Variants in RPL15 observed in about 807,000 individuals in gnomAD.
The protein encoded by RPL15 is ribosomal protein L15.
For missense variants in RPL15, 161 were observed against 271.8 expected, an observed-to-expected ratio of 0.59 and a Z score of 2.87; for synonymous variants, 97 against 95.1, an observed-to-expected ratio of 1.02 and a Z score of -0.12.
rs913822613 is a variant in RPL15, at chr3:23,920,301, A to C, written c.*800A>C. ...AGTTGGCTATAAGTACGTCATTCTT[A>C]GTCCAGTCAGTCTTAAAAACATCTT... On this transcript the variant is annotated 3_prime_UTR_variant, in exon 4 of 4. Coordinates refer to ENST00000307839, the MANE Select transcript of RPL15 (RefSeq NM_002948.5). The C allele has an allele frequency of 1.0e-6, 1 of 985,684 alleles. No homozygotes were observed. Among genetic ancestry groups the C allele is most frequent in the Non-Finnish European group, 1.2e-6 (1 of 829,910 alleles). The allele number at this position is 985,684 out of a possible 1,614,324, so 61.1% of individuals were successfully genotyped here. A position where few individuals can be genotyped will look rare whatever the true frequency, so the allele number is the denominator to read the frequency against.
downstream of RPL15, among the ~76,000 whole-genome samples, chr3:23,921,211 G>A (rs540031381): frequency 2.6e-5 from 4 of 152,304 alleles, no homozygotes; most frequent in East Asian, 7.7e-4. Context: ...GTCTCTACAA[G>A]AAAACCTTGT....
Position 23,917,846 on chromosome 3 carries a change from A to T in RPL15, c.-10-4A>T, listed in dbSNP as rs199591542. On this transcript the variant is annotated splice_region_variant and splice_polypyrimidine_tract_variant and intron_variant, in intron 1 of 3. Transcript: ENST00000307839. ...GATATTTAATACACAGTTTGATTTC[A>T]CAGGTAAGCCAAGATGGGTGCATAC... is the stretch of plus-strand genomic sequence containing the variant. 30 of 1,606,974 alleles carry T rather than the reference A, an allele frequency of 1.9e-5. No individual in the cohort carries two copies. The highest frequency in any genetic ancestry group is 5.9e-6 in the Non-Finnish European group (7 of 1,177,424).
At chr3:23,919,071 TAAA>T in intron 3 of RPL15, 122 bp from the exon 4 acceptor site, 2 of 667,922 alleles carry the variant, frequency 3.0e-6, no homozygotes, top group South Asian at 3.7e-5. Context: ...AAATGCTTAG[TAAA>T]TAACTTGAGT....
At chr3:23,918,973 G>T (rs111878423) in intron 3 of RPL15, 1 of 586,918 alleles carries the variant, frequency 1.7e-6, no homozygotes, top group East Asian at 2.8e-5. Flanking sequence ...CAGGAATGGA[G>T]TATTAAGAGG....
rs968941448 is a variant in RPL15 at position 23,919,714 on chromosome 3, T to A, written c.*213T>A. 7.3e-7 allele frequency: 1 copy of A among 1,369,460 alleles called. No individual in the cohort carries two copies. The highest frequency in any genetic ancestry group is 9.4e-7 in the Non-Finnish European group (1 of 1,065,712). The allele number at this position is 1,369,460 out of a possible 1,614,324, so 84.8% of individuals were successfully genotyped here. The stretch of plus-strand genomic sequence containing the variant: ...AAACTTTTTTGTCTTTGCTTTATCT[T>A]ATTAGGGAGTTGTATGTCAGTGTAT... On this transcript the variant is annotated 3_prime_UTR_variant, in exon 4 of 4. Coordinates refer to ENST00000307839, the MANE Select transcript of RPL15 (RefSeq NM_002948.5).
intron 1 of RPL15, 82 bp from the exon 2 acceptor site, chr3:23,917,768 G>A (rs527936972): frequency 1.4e-6 from 2 of 1,383,768 alleles, no homozygotes; most frequent in African/African-American, 2.9e-5. Context: ...CCTTGTTTTT[G>A]TTGGGGAACT....
At chr3:23,916,923 ACT>A (rs1377109095), upstream of RPL15, 5 of 152,580 alleles carry the variant, frequency 3.3e-5, no homozygotes, top group African/African-American at 1.2e-4. Context: ...CTCGCCGCCA[ACT>A]CTCTCACCTC....
chr3:23,919,302 A>T lies in RPL15; in HGVS notation c.416A>T (p.His139Leu). The T allele has an allele frequency of 6.2e-7, 1 of 1,606,716 alleles. No homozygotes were observed. Among genetic ancestry groups the T allele is most frequent in the Non-Finnish European group, 8.5e-7 (1 of 1,178,768 alleles). The change falls in exon 4 of 4, where the codon CAT becomes CTT. Residue 139 changes from histidine (H) to leucine (L), a missense_variant. His to Leu is a moderately conservative substitution (Grantham distance 99). Coordinates refer to ENST00000307839, the MANE Select transcript of RPL15 (RefSeq NM_002948.5). ...GAGGTTATCCTCATTGATCCATTCC[A>T]TAAAGCTATCAGAAGAAATCCTGAC... ...FFEVILIDPF[H>L]KAIRRNPDTQ...
At position 23,920,787 on chromosome 3, in the gene RPL15, C is replaced by T. The variant is rs552751022; in HGVS notation, c.*1286C>T. ...AAAAAAGAAAAGATCTTAAGTCATA[C>T]ATTTTAATTGTGTAGAGGTTGTTCA... On this transcript the variant is annotated 3_prime_UTR_variant, in exon 4 of 4. Transcript: ENST00000307839. The T allele has an allele frequency of 3.1e-6, 3 of 962,200 alleles. No individual in the cohort carries two copies. Among genetic ancestry groups the T allele is most frequent in the Non-Finnish European group, 2.5e-6 (2 of 808,856 alleles). 59.6% of individuals were successfully genotyped at this position (962,200 alleles called of 1,614,324 possible). A position where few individuals can be genotyped will look rare whatever the true frequency, so the allele number is the denominator to read the frequency against.
chr3:23,922,074 C>T (rs878941926), downstream of RPL15: 18 of 155,444 alleles, frequency 1.2e-4, no homozygotes, highest in African/African-American at 3.1e-4. This position sits in a 1 kb window ranked among gnomAD's most constrained non-coding sequence, Gnocchi z 4.2. Context: ...CCAACACTTT[C>T]GGTAACCAAG....
chr3:23,918,675 C>T lies in RPL15; in HGVS notation c.309+99C>T, dbSNP rs923192776. The T allele has an allele frequency of 1.2e-5, 16 of 1,377,868 alleles. No individual in the cohort carries two copies. The African/African-American group carries it at 1.6e-4, about 14-fold the overall frequency. The allele number at this position is 1,377,868 out of a possible 1,614,324, so 85.4% of individuals were successfully genotyped here. On this transcript the variant is annotated intron_variant, in intron 3 of 3. Coordinates refer to ENST00000307839, the MANE Select transcript of RPL15 (RefSeq NM_002948.5). ...CTGATTGTACTTAGGTGAGCTGTCTCGTATATAAAACAGGGTTTGTGATTT... is the reference window on the plus strand; with the variant it reads ...CTGATTGTACTTAGGTGAGCTGTCTTGTATATAAAACAGGGTTTGTGATTT...
At chr3:23,921,643 C>T (rs76953660), downstream of RPL15, 5,234 of 642,244 alleles carry the variant, frequency 8.1e-3, 185 homozygotes, top group African/African-American at 0.084. Context: ...GGGGCAATCA[C>T]GGCTCACTGC....
intron 2 of RPL15, 121 bp downstream of exon 2, chr3:23,918,152 A>C (rs1464919011): frequency 1.6e-6 from 2 of 1,265,254 alleles, no homozygotes; most frequent in East Asian, 5.0e-5. Context: ...GGCAGAAAAA[A>C]GCTAGCAACA....
chr3:23,920,239 T>C lies in RPL15; in HGVS notation c.*738T>C, dbSNP rs1704999355. 1 of 985,652 alleles carries C rather than the reference T, an allele frequency of 1.0e-6. No individual in the cohort carries two copies. Among genetic ancestry groups the C allele is most frequent in the Non-Finnish European group, 1.2e-6 (1 of 829,858 alleles). The allele number at this position is 985,652 out of a possible 1,614,324, so 61.1% of individuals were successfully genotyped here. On this transcript the variant is annotated 3_prime_UTR_variant, in exon 4 of 4. Transcript: ENST00000307839. ...TACTTAACCGTAATGCTAATTGTGA[T>C]CATTATGAATCCCTTCAGTCACATT...
At chr3:23,921,695 C>T (rs1705092947), downstream of RPL15, 4 of 659,864 alleles carry the variant, frequency 6.1e-6, no homozygotes, top group Admixed American at 2.5e-5. Context: ...CTGCCTCGGC[C>T]TCCCAAATAG....
chr3:23,924,409 C>T (rs1335236276), downstream of RPL15: 1 of 152,198 alleles, frequency 6.6e-6, no homozygotes, highest in Non-Finnish European at 1.5e-5. Flanking sequence ...TTTTTCTGCT[C>T]ATGAGATTCT....
chr3:23,918,713 G>T, intron 3 of RPL15, 137 bp downstream of exon 3: 1 of 1,039,910 alleles, frequency 9.6e-7, no homozygotes, highest in Non-Finnish European at 1.4e-6. Context: ...ACTAATCTTG[G>T]TGAAGAGTAA....
chr3:23,921,524 T>TA, downstream of RPL15: 1 of 678,600 alleles, frequency 1.5e-6, no homozygotes, highest in African/African-American at 1.8e-5. Context: ...TTTGCTTTAC[T>TA]ATTTCTATAT....
chr3:23,918,256 G>A, intron 2 of RPL15, 184 bp from the exon 3 acceptor site: 2 of 888,810 alleles, frequency 2.3e-6, no homozygotes, highest in South Asian at 3.6e-5. Context: ...AATAAACAGT[G>A]TGCCTCCCTG....
Sources: allele counts gnomAD v4.1 joint callset (sites outside exome capture counted in the v4.1 genomes callset), GRCh38; gene constraint gnomAD v4.1.1; non-coding constraint Gnocchi (gnomAD v3.1); transcripts MANE v1.5; gene names NCBI Gene and HGNC (gene_info 2026-07-23, HGNC 2026-07-21).